The following GP1BB variants were observed in gnomAD, a reference collection of about 807,000 sequenced individuals.
The protein encoded by GP1BB is glycoprotein Ib platelet subunit beta, also known as platelet glycoprotein Ib beta chain.
In GP1BB, 3 loss-of-function variants were observed where a neutral mutation model predicts 2.5. The ratio of observed to expected loss-of-function variants is 1.22; its 90% CI spans 0.56 to 3.15. The LOEUF (loss-of-function observed/expected upper bound fraction) is 3.15, where lower values mean the gene tolerates loss of function less well. Among genes scored for constraint, GP1BB ranks in the 30% most tolerant of loss-of-function variants. The probability of loss-of-function intolerance (pLI) is 0.03; values close to 1 mark genes in which losing one functional copy is unlikely to be tolerated. For missense variants in GP1BB, 316 were observed against 307.0 expected (o/e 1.03, Z -0.22); for synonymous variants, 191 against 167.5 (o/e 1.14, Z -1.08).
At chr22:19,723,779 C>G in intron 1 of GP1BB, 75 bp from the exon 2 acceptor site, 1 of 1,412,578 alleles carries the variant, frequency 7.1e-7, no homozygotes, top group Non-Finnish European at 9.5e-7. Context: ...GGAGCCGGGC[C>G]GGCAGTCTGG....
In GP1BB at chr22:19,724,199, T is replaced by C. The variant is rs1936117778; in HGVS notation, c.356T>C (p.Val119Ala). 3 of 1,239,326 alleles carry C rather than the reference T, an allele frequency of 2.4e-6. No homozygotes were observed. The highest frequency in any genetic ancestry group is 8.8e-5 in the Admixed American group (2 of 22,706). 76.8% of individuals were successfully genotyped at this position (1,239,326 alleles called of 1,614,324 possible). ...ERAPYRDLRC[V>A]APPALRGRLL... The stretch of plus-strand genomic sequence containing the variant: ...GCGCCCTACCGCGACCTGCGTTGCG[T>C]GGCGCCCCCAGCGCTGCGCGGCCGC... The change falls in exon 2 of 2, where the codon GTG (valine) becomes GCG (alanine). Residue 119 changes from valine (V) to alanine (A), a missense_variant. Val to Ala is a moderately conservative substitution (Grantham distance 64, BLOSUM62 0). Transcript: ENST00000366425.
At position 19,724,551 on chromosome 22, in the gene GP1BB, C is replaced by G. The variant is rs1002664845; in HGVS notation, c.*87C>G. 2.1e-6 allele frequency: 2 copies of G among 957,920 alleles called. No individual in the cohort carries two copies. Among genetic ancestry groups the G allele is most frequent in the African/African-American group, 1.6e-5 (1 of 61,508 alleles). 59.3% of individuals were successfully genotyped at this position (957,920 alleles called of 1,614,324 possible). ...GACAGGACCCTGCCCGAGGGGCCCT[C>G]GCGCCAACCTGGACCGGTCCCCGCC... On this transcript the variant is annotated 3_prime_UTR_variant, in exon 2 of 2. Transcript: ENST00000366425.
Position 19,724,026 on chromosome 22 carries a change from G to A in GP1BB, c.183G>A (p.Val61=), listed in dbSNP as rs1936113479. 2.0e-6 allele frequency: 3 copies of A among 1,531,670 alleles called. No individual in the cohort carries two copies. Among genetic ancestry groups the A allele is most frequent in the South Asian group, 2.4e-5 (2 of 83,032 alleles). The allele number at this position is 1,531,670 out of a possible 1,614,324, so 94.9% of individuals were successfully genotyped here. A position where few individuals can be genotyped will look rare whatever the true frequency, so the allele number is the denominator to read the frequency against. The stretch of plus-strand genomic sequence containing the variant: ...TCCCTGTCGACACAACCGAGCTGGT[G>A]CTGACCGGCAACAACCTGACGGCGC... ...TAFPVDTTEL[V]LTGNNLTALP... Residue 61 remains valine (V), a synonymous_variant, in exon 2 of 2, where the codon GTG becomes GTA. Transcript: ENST00000366425.
At position 19,724,252 on chromosome 22, in the gene GP1BB, C is replaced by T. The variant is rs1277516882; in HGVS notation, c.409C>T (p.Leu137=). The T allele has an allele frequency of 3.0e-5, 37 of 1,244,904 alleles. No individual in the cohort carries two copies. The highest frequency in any genetic ancestry group is 3.3e-5 in the Non-Finnish European group (33 of 998,682). 77.1% of individuals were successfully genotyped at this position (1,244,904 alleles called of 1,614,324 possible). The change falls in exon 2 of 2, where the codon CTG becomes TTG. Residue 137 remains leucine, a synonymous_variant. Coordinates refer to ENST00000366425, the MANE Select transcript of GP1BB (RefSeq NM_000407.5). ...RLLPYLAEDE[L]RAACAPGPLC... ...GCTGCCCTATCTGGCCGAGGACGAGCTGCGCGCCGCTTGCGCTCCCGGCCC... is the reference window on the plus strand; with the variant it reads ...GCTGCCCTATCTGGCCGAGGACGAGTTGCGCGCCGCTTGCGCTCCCGGCCC...
intron 1 of GP1BB, 87 bp from the exon 2 acceptor site, chr22:19,723,767 A>G (rs1936106096): frequency 5.1e-6 from 7 of 1,384,720 alleles, no homozygotes; most frequent in Non-Finnish European, 6.8e-6. Context: ...CAGGGGCTGG[A>G]TGGAGCCGGG....
chr22:19,723,759 G>C (rs1385281869), intron 1 of GP1BB, 95 bp from the exon 2 acceptor site: 22 of 1,356,164 alleles, frequency 1.6e-5, no homozygotes, highest in Non-Finnish European at 2.1e-5. Flanking sequence ...CCGGGCATCA[G>C]GGGCTGGATG....
Position 19,723,829 on chromosome 22 carries a change from GCTTACTGCGGCGCT to G in GP1BB, c.11-24_11-11del. The stretch of plus-strand genomic sequence containing the variant: ...CGCCCAGGTGCCCGCCGACCGCTCG[GCTTACTGCGGCGCT>G]TCCCTTGCAGGGCCGCGCGGGGCGC... On this transcript the variant is annotated splice_polypyrimidine_tract_variant and intron_variant, in intron 1 of 1. Transcript: ENST00000366425. 1 of 1,518,868 alleles carries G rather than the reference GCTTACTGCGGCGCT, an allele frequency of 6.6e-7. No homozygotes were observed. The highest frequency in any genetic ancestry group is 8.8e-7 in the Non-Finnish European group (1 of 1,138,734). The allele number at this position is 1,518,868 out of a possible 1,614,324, so 94.1% of individuals were successfully genotyped here.
Position 19,723,550 on chromosome 22 carries a change from CG to C in GP1BB, c.-17del. ...CTACGCCTCCCGCTGCAGAGTAAGC[CG>C]GGCTGCCGTCTTCTCGCCATGGGCT... On this transcript the variant is annotated 5_prime_UTR_variant, in exon 1 of 2. Coordinates refer to ENST00000366425, the MANE Select transcript of GP1BB (RefSeq NM_000407.5). 1 of 1,590,756 alleles carries C rather than the reference CG, an allele frequency of 6.3e-7. No homozygotes were observed. Among genetic ancestry groups the C allele is most frequent in the Non-Finnish European group, 8.5e-7 (1 of 1,173,640 alleles).
intron 1 of GP1BB, 52 bp downstream of exon 1, chr22:19,723,631 T>C (rs751059355): frequency 6.3e-7 from 1 of 1,574,816 alleles, no homozygotes; most frequent in Non-Finnish European, 8.6e-7. Flanking sequence ...CCGACCCGGG[T>C]TGAGAGGAGC....
intron 1 of GP1BB, 30 bp from the exon 2 acceptor site, chr22:19,723,824 G>A (rs1463054833): frequency 2.6e-6 from 4 of 1,514,006 alleles, no homozygotes; most frequent in Non-Finnish European, 3.5e-6. Flanking sequence ...CCCGCCGACC[G>A]CTCGGCTTAC....
In GP1BB at chr22:19,724,686, T is replaced by A. The variant is rs886205787; in HGVS notation, c.*222T>A. ...GGAGGCGAACCCGCACTTCCAGGCTTGGGAGGACCATGGGGCACAATGCGG... is the reference window on the plus strand; with the variant it reads ...GGAGGCGAACCCGCACTTCCAGGCTAGGGAGGACCATGGGGCACAATGCGG... On this transcript the variant is annotated 3_prime_UTR_variant, in exon 2 of 2. Transcript: ENST00000366425. 13 of 589,008 alleles carry A rather than the reference T, an allele frequency of 2.2e-5. No homozygotes were observed. The Admixed American group carries it at 3.5e-4, about 16-fold the overall frequency. 36.5% of individuals were successfully genotyped at this position (589,008 alleles called of 1,614,324 possible).
Position 19,724,003 on chromosome 22 carries a change from C to T in GP1BB, c.160C>T (p.Pro54Ser), listed in dbSNP as rs1350472463. The change falls in exon 2 of 2, where the codon CCT becomes TCT. Residue 54 changes from proline (P) to serine (S), a missense_variant. Transcript: ENST00000366425. Reference sequence around the variant, plus strand: ...TTGGGCCTCGCTGCCGACCGCCTTCCCTGTCGACACAACCGAGCTGGTGCT... The same window carrying T: ...TTGGGCCTCGCTGCCGACCGCCTTCTCTGTCGACACAACCGAGCTGGTGCT... ...LTWASLPTAF[P>S]VDTTELVLTG... 6.5e-7 allele frequency: 1 copy of T among 1,537,612 alleles called. No homozygotes were observed.
In GP1BB at chr22:19,724,143, G is replaced by A. The variant is rs1476815738; in HGVS notation, c.300G>A (p.Leu100=). The A allele has an allele frequency of 1.5e-6, 2 of 1,347,674 alleles. No individual in the cohort carries two copies. Among genetic ancestry groups the A allele is most frequent in the Non-Finnish European group, 1.9e-6 (2 of 1,050,222 alleles). The allele number at this position is 1,347,674 out of a possible 1,614,324, so 83.5% of individuals were successfully genotyped here. A position where few individuals can be genotyped will look rare whatever the true frequency, so the allele number is the denominator to read the frequency against. The change falls in exon 2 of 2, where the codon CTG becomes CTA. Residue 100 remains leucine, a synonymous_variant. Transcript: ENST00000366425. ...PWRCDCRLVP[L]RAWLAGRPER... ...GCTGCGACTGCCGCCTTGTGCCGCT[G>A]CGCGCCTGGCTGGCCGGCCGCCCCG...
Position 19,724,106 on chromosome 22 carries a change from C to T in GP1BB, c.263C>T (p.Ala88Val). The change falls in exon 2 of 2, where the codon GCC becomes GTC. Residue 88 changes from alanine (A) to valine (V), a missense_variant. By Grantham distance (64) the Ala-to-Val change is moderately conservative (BLOSUM62 0). Transcript: ENST00000366425. ...LPALRTAHLGANPWRCDCRLV... is the reference protein window; with the variant it reads ...LPALRTAHLGVNPWRCDCRLV... ...GCGCTGCGCACCGCACACCTGGGCG[C>T]CAACCCCTGGCGCTGCGACTGCCGC... 11 of 1,454,836 alleles carry T rather than the reference C, an allele frequency of 7.6e-6. No individual in the cohort carries two copies. The highest frequency in any genetic ancestry group is 8.1e-6 in the Non-Finnish European group (9 of 1,106,770). 90.1% of individuals were successfully genotyped at this position (1,454,836 alleles called of 1,614,324 possible).
In GP1BB at chr22:19,724,496, C is replaced by T. The variant is rs1466203248; in HGVS notation, c.*32C>T. 28 of 1,410,506 alleles carry T rather than the reference C, an allele frequency of 2.0e-5. No individual in the cohort carries two copies. Among genetic ancestry groups the T allele is most frequent in the Non-Finnish European group, 2.5e-5 (26 of 1,021,806 alleles). The allele number at this position is 1,410,506 out of a possible 1,614,324, so 87.4% of individuals were successfully genotyped here. ...AACCGGTGCGTCCTGAGGAGAGAAC[C>T]GGCGCTGGGCAACACGGGCCTGCAA... On this transcript the variant is annotated 3_prime_UTR_variant, in exon 2 of 2. Coordinates refer to ENST00000366425, the MANE Select transcript of GP1BB (RefSeq NM_000407.5).
rs972606933 is a variant in GP1BB, at chr22:19,724,488, G to A, written c.*24G>A. Reference sequence around the variant, plus strand: ...GAGGAGAGAACCGGTGCGTCCTGAGGAGAGAACCGGCGCTGGGCAACACGG... The same window carrying A: ...GAGGAGAGAACCGGTGCGTCCTGAGAAGAGAACCGGCGCTGGGCAACACGG... On this transcript the variant is annotated 3_prime_UTR_variant, in exon 2 of 2. Transcript: ENST00000366425. The A allele has an allele frequency of 2.1e-5, 31 of 1,465,720 alleles. No homozygotes were observed. The highest frequency in any genetic ancestry group is 2.9e-5 in the Non-Finnish European group (31 of 1,072,272). The allele number at this position is 1,465,720 out of a possible 1,614,324, so 90.8% of individuals were successfully genotyped here. A position where few individuals can be genotyped will look rare whatever the true frequency, so the allele number is the denominator to read the frequency against.
Position 19,724,709 on chromosome 22 carries a change from C to A in GP1BB, c.*245C>A, listed in dbSNP as rs1377130059. The A allele has an allele frequency of 5.5e-6, 3 of 547,696 alleles. No homozygotes were observed. The highest frequency in any genetic ancestry group is 9.9e-6 in the Non-Finnish European group (3 of 303,320). The allele number at this position is 547,696 out of a possible 1,614,324, so 33.9% of individuals were successfully genotyped here. On this transcript the variant is annotated 3_prime_UTR_variant, in exon 2 of 2. Coordinates refer to ENST00000366425, the MANE Select transcript of GP1BB (RefSeq NM_000407.5). ...CTTGGGAGGACCATGGGGCACAATG[C>A]GGTCCAGACCCTGCTGCGTCTCCCT... is the stretch of plus-strand genomic sequence containing the variant.
In GP1BB at chr22:19,724,451, C is replaced by G. The variant is rs765658600; in HGVS notation, c.608C>G (p.Thr203Ser). ...CCGCTGGTGGCCGAGCGAGCCGGAA[C>G]CGACGAGTCCTGAGGAGAGAACCGG... Reference protein sequence around the residue: ...TDPLVAERAGTDES With the variant: ...TDPLVAERAGSDES Residue 203 changes from threonine to serine, a missense_variant, in exon 2 of 2, where the codon ACC becomes AGC. Coordinates refer to ENST00000366425, the MANE Select transcript of GP1BB (RefSeq NM_000407.5). The G allele has an allele frequency of 1.2e-5, 18 of 1,542,902 alleles. No individual in the cohort carries two copies. Among genetic ancestry groups the G allele is most frequent in the Non-Finnish European group, 1.5e-5 (17 of 1,142,668 alleles).
rs752313992 is a variant in GP1BB, at chr22:19,723,587, T to G, written c.10+8T>G. 2 of 1,596,918 alleles carry G rather than the reference T, an allele frequency of 1.3e-6. No individual in the cohort carries two copies. Among genetic ancestry groups the G allele is most frequent in the Admixed American group, 3.4e-5 (2 of 59,470 alleles). Reference sequence around the variant, plus strand: ...TTCTCGCCATGGGCTCCGGTGAGTCTGGAGTCCGGTCGGGCCCCCGGCTGC... The same window carrying G: ...TTCTCGCCATGGGCTCCGGTGAGTCGGGAGTCCGGTCGGGCCCCCGGCTGC... On this transcript the variant is annotated splice_region_variant and intron_variant, in intron 1 of 1. Coordinates refer to ENST00000366425, the MANE Select transcript of GP1BB (RefSeq NM_000407.5).
Sources: allele counts gnomAD v4.1 joint callset, GRCh38; gene constraint gnomAD v4.1.1; transcripts MANE v1.5; gene names NCBI Gene and HGNC (gene_info 2026-07-23, HGNC 2026-07-21).